ATG5: variants seen among roughly 807,000 people sequenced by gnomAD.
ATG5 encodes the protein autophagy related 5, also known as autophagy protein 5.
A neutral mutation model predicts 36.5 loss-of-function variants in ATG5; 14 were observed. That is an observed-to-expected ratio of 0.38 (90% CI 0.25 to 0.60). The LOEUF (loss-of-function observed/expected upper bound fraction) is 0.60, where lower values mean the gene tolerates loss of function less well. ATG5 is among the 20% of genes least tolerant of loss of function. The pLI is 0.60. For synonymous variants in ATG5, 95 were observed against 101.5 expected (o/e 0.94, Z 0.38); for missense variants, 195 against 326.7 (o/e 0.60, Z 3.11).
chr6:106,224,742 G>A (rs1255569646), intron 6 of ATG5, among the ~76,000 whole-genome samples: 1 of 152,132 alleles, frequency 6.6e-6, no homozygotes, highest in Non-Finnish European at 1.5e-5. Context: ...TTAGCCAGGT[G>A]TGGTGGTGCA....
At chr6:106,282,415 G>GT (rs1467602840) in intron 4 of ATG5, among the ~76,000 whole-genome samples, 5 of 152,134 alleles carry the variant, frequency 3.3e-5, no homozygotes, top group Non-Finnish European at 7.4e-5. Context: ...TTTTATCAGT[G>GT]TAAGTTTGTG....
chr6:106,245,855 G>T (rs996054063), intron 6 of ATG5, among the ~76,000 whole-genome samples: 2 of 152,006 alleles, frequency 1.3e-5, no homozygotes, highest in Non-Finnish European at 1.5e-5. Context: ...TTAACAAACA[G>T]AATATCACAA....
chr6:106,201,823 A>T, intron 7 of ATG5, 149 bp downstream of exon 7: 1 of 477,814 alleles, frequency 2.1e-6, no homozygotes, highest in Non-Finnish European at 3.6e-6. Flanking sequence ...AATATATTAA[A>T]TATTAGGTGC....
At chr6:106,212,859 A>G (rs1776909380) in intron 6 of ATG5, among the ~76,000 whole-genome samples, 1 of 152,208 alleles carries the variant, frequency 6.6e-6, no homozygotes, top group African/African-American at 2.4e-5. Context: ...AGCAAAAACA[A>G]AAAAACCCCA....
At chr6:106,258,187 A>C (rs1778870027) in intron 5 of ATG5, among the ~76,000 whole-genome samples, 1 of 149,906 alleles carries the variant, frequency 6.7e-6, no homozygotes, top group South Asian at 2.1e-4. Flanking sequence ...AATACAACAT[A>C]GGTAGATCCC....
intron 6 of ATG5, among the ~76,000 whole-genome samples, chr6:106,219,658 A>C (rs1448332523): frequency 6.6e-6 from 1 of 152,168 alleles, no homozygotes; most frequent in Non-Finnish European, 1.5e-5. Flanking sequence ...CTCAAACATC[A>C]GTAGAATTTG....
chr6:106,226,542 A>G (rs139475957), intron 6 of ATG5, among the ~76,000 whole-genome samples: 38 of 152,326 alleles, frequency 2.5e-4, no homozygotes, highest in African/African-American at 9.1e-4. Context: ...GAACTAAAAA[A>G]AAGTTTATCT....
intron 6 of ATG5, among the ~76,000 whole-genome samples, chr6:106,214,488 CATT>C (rs1432467320): frequency 1.3e-5 from 2 of 152,110 alleles, no homozygotes; most frequent in African/African-American, 4.8e-5. Flanking sequence ...GAAAAGCTGT[CATT>C]ATTATAGTCA....
At chr6:106,288,821 A>C (rs1488756360) in intron 4 of ATG5, among the ~76,000 whole-genome samples, 7 of 152,218 alleles carry the variant, frequency 4.6e-5, no homozygotes, top group Admixed American at 4.6e-4. Flanking sequence ...AAACATTATA[A>C]ACCTATACAA....
At chr6:106,298,298 T>G (rs562857198) in intron 3 of ATG5, among the ~76,000 whole-genome samples, 1 of 152,136 alleles carries the variant, frequency 6.6e-6, no homozygotes, top group Non-Finnish European at 1.5e-5. Flanking sequence ...TTAAATTTCA[T>G]TGGTCCCAGA....
intron 6 of ATG5, among the ~76,000 whole-genome samples, chr6:106,219,343 A>C (rs1299218091): frequency 1.3e-5 from 2 of 152,214 alleles, no homozygotes; most frequent in Non-Finnish European, 2.9e-5. Flanking sequence ...AATAAGTATA[A>C]CATACATTAG....
At position 106,202,088 on chromosome 6, in the gene ATG5, G is replaced by C; in HGVS notation, c.575C>G (p.Thr192Arg). ...CTGAATGAAAGGTCTTTCAGTCGTT[G>C]TCTATTTGAAAAAGGAAAAAATGAT... ...FRYIPFRIYQTTTERPFIQKL... is the reference protein window; with the variant it reads ...FRYIPFRIYQRTTERPFIQKL... Residue 192 changes from threonine to arginine, a missense_variant and splice_region_variant, in exon 7 of 8, where the codon ACA (threonine) becomes AGA (arginine). By Grantham distance (71) the Thr-to-Arg change is moderately conservative. Coordinates refer to ENST00000369076, the MANE Select transcript of ATG5 (RefSeq NM_004849.4). 6.2e-7 allele frequency: 1 copy of C among 1,612,098 alleles called. No homozygotes were observed. The highest frequency in any genetic ancestry group is 8.5e-7 in the Non-Finnish European group (1 of 1,179,004).
intron 5 of ATG5, among the ~76,000 whole-genome samples, chr6:106,258,745 A>G (rs1173086790): frequency 6.6e-6 from 1 of 152,208 alleles, no homozygotes; most frequent in Admixed American, 6.5e-5. Flanking sequence ...CCAATTCAGG[A>G]TAACTTATGA....
chr6:106,264,587 G>T (rs969388808), intron 5 of ATG5, among the ~76,000 whole-genome samples: 2 of 152,208 alleles, frequency 1.3e-5, no homozygotes, highest in Non-Finnish European at 2.9e-5. Context: ...AGGGCAGCCA[G>T]AGAGAAAGGT....
rs1401399380 is a variant in ATG5, at chr6:106,248,557, T to G, written c.479-313A>C. Among the ~76,000 whole-genome samples, 6 of 152,216 alleles carry G rather than the reference T, an allele frequency of 3.9e-5. No individual in the cohort carries two copies. In the East Asian group the frequency reaches 1.2e-3, roughly 29 times the overall value. Reference sequence around the variant, plus strand: ...AAACACACCAGGTAGAGGATAGATGTCTTGACTCTCCTGGTACTACTTCTA... The same window carrying G: ...AAACACACCAGGTAGAGGATAGATGGCTTGACTCTCCTGGTACTACTTCTA... On this transcript the variant is annotated intron_variant, in intron 5 of 7. Coordinates refer to ENST00000369076, the MANE Select transcript of ATG5 (RefSeq NM_004849.4).
intron 4 of ATG5, among the ~76,000 whole-genome samples, chr6:106,281,726 T>A (rs565615712): frequency 1.3e-5 from 2 of 152,360 alleles, no homozygotes; most frequent in Non-Finnish European, 2.9e-5. Flanking sequence ...AGTAAGTGTA[T>A]GTTCTAACTT....
intron 4 of ATG5, among the ~76,000 whole-genome samples, chr6:106,290,301 T>G (rs999949188): frequency 6.6e-6 from 1 of 151,584 alleles, no homozygotes; most frequent in African/African-American, 2.4e-5. Flanking sequence ...ATACAGAGTC[T>G]GCCCTGTCAT....
At chr6:106,220,645 C>G (rs1777211162) in intron 6 of ATG5, among the ~76,000 whole-genome samples, 1 of 152,044 alleles carries the variant, frequency 6.6e-6, no homozygotes, top group Admixed American at 6.5e-5. Flanking sequence ...CCAAAAGCAA[C>G]TCTCATATTT....
intron 5 of ATG5, among the ~76,000 whole-genome samples, chr6:106,249,674 G>A (rs1000493058): frequency 2.0e-5 from 3 of 152,160 alleles, no homozygotes; most frequent in African/African-American, 4.8e-5. Context: ...TGTGTTTTGA[G>A]GAACTGCCAT....
Sources: gnomAD v4.1 joint callset for allele counts (sites outside exome capture counted in the v4.1 genomes callset) on GRCh38, gnomAD v4.1.1 for gene constraint, MANE v1.5 for transcripts, NCBI Gene and HGNC (gene_info 2026-07-23, HGNC 2026-07-21) for gene names.